VEPH1: variants seen among roughly 807,000 people sequenced by gnomAD.
VEPH1 encodes the protein ventricular zone-expressed PH domain-containing protein homolog 1.
A neutral mutation model predicts 85.2 loss-of-function variants in VEPH1; 80 were observed. That is an observed-to-expected ratio of 0.94 (90% CI 0.78 to 1.13). The LOEUF (loss-of-function observed/expected upper bound fraction) is 1.13. VEPH1 is among the 50% of genes most tolerant of loss of function. VEPH1 has a pLI of 0.00. For missense variants in VEPH1, 955 were observed against 980.5 expected (o/e 0.97, Z 0.35); for synonymous variants, 297 against 348.0 (o/e 0.85, Z 1.63).
At chr3:157,369,180 G>GAAGAAAAAAAAAAAAAA (rs1553773036) in intron 7 of VEPH1, among the ~76,000 whole-genome samples, 1 of 42,780 alleles carries the variant, frequency 2.3e-5, no homozygotes. Flanking sequence ...AAAACCAAAT[G>GAAGAAAAAAAAAAAAAA]AAAAAAAAAA....
chr3:157,474,614 A>G (rs1175074401), intron 2 of VEPH1, among the ~76,000 whole-genome samples: 1 of 152,162 alleles, frequency 6.6e-6, no homozygotes, highest in African/African-American at 2.4e-5. Context: ...CTGGGTCCAA[A>G]CCATTTTATC....
chr3:157,350,741 A>C (rs1463466130), intron 9 of VEPH1, among the ~76,000 whole-genome samples: 1 of 152,248 alleles, frequency 6.6e-6, no homozygotes, highest in Admixed American at 6.5e-5. Context: ...AAAAGAAGAC[A>C]TACATATGAC....
intron 5 of VEPH1, among the ~76,000 whole-genome samples, chr3:157,422,554 G>T (rs923966993): frequency 6.6e-6 from 1 of 152,170 alleles, no homozygotes; most frequent in African/African-American, 2.4e-5. Context: ...GGAAGTGGAA[G>T]CTGCCCAGTT....
At chr3:157,271,883 A>G (rs1428780206) in intron 12 of VEPH1, among the ~76,000 whole-genome samples, 2 of 152,242 alleles carry the variant, frequency 1.3e-5, no homozygotes, top group African/African-American at 4.8e-5. Flanking sequence ...AAAAATAAAA[A>G]GTGGAAACTG....
chr3:157,395,394 G>C (rs73873671), intron 6 of VEPH1, among the ~76,000 whole-genome samples: 9 of 152,198 alleles, frequency 5.9e-5, no homozygotes, highest in African/African-American at 2.2e-4. Context: ...TGGCAGACAG[G>C]GCAGTCAGCG....
In VEPH1 at chr3:157,272,354, C is replaced by CTT. The variant is rs1559913737; in HGVS notation, c.2129-6693_2129-6692insAA. ...TCTTTCTTTCTTTCTCTTTTTCTCT[C>CTT]TCTTTCTTTCTTTCTCTTTCTTTTC... On this transcript the variant is annotated intron_variant, in intron 12 of 13. Transcript: ENST00000362010. Among the ~76,000 whole-genome samples the CTT allele has an allele frequency of 1.9e-4, 27 of 142,296 alleles. 1 individual carries two copies. Among genetic ancestry groups the CTT allele is most frequent in the African/African-American group, 6.3e-4 (25 of 39,668 alleles). 93.4% of individuals were successfully genotyped at this position (142,296 alleles called of 152,430 possible).
At chr3:157,459,606 G>C (rs1205935227) in intron 4 of VEPH1, 13 of 1,216,436 alleles carry the variant, frequency 1.1e-5, no homozygotes, top group African/African-American at 6.2e-5. Context: ...GAAAATAAAA[G>C]AAGACAAGGA....
At chr3:157,367,768 T>C (rs1726887210) in intron 7 of VEPH1, among the ~76,000 whole-genome samples, 1 of 152,184 alleles carries the variant, frequency 6.6e-6, no homozygotes. Flanking sequence ...ATCTCAGCCT[T>C]CTGAGTAGCT....
chr3:157,362,864 T>C (rs568229050), intron 9 of VEPH1, among the ~76,000 whole-genome samples: 65 of 152,308 alleles, frequency 4.3e-4, no homozygotes, highest in Non-Finnish European at 6.5e-4. Context: ...ATCTATACTC[T>C]AAACTCTAAG....
chr3:157,340,784 A>G (rs544128352), intron 9 of VEPH1, among the ~76,000 whole-genome samples: 112 of 152,332 alleles, frequency 7.4e-4, no homozygotes, highest in African/African-American at 2.5e-3. Context: ...CAGTAGGGGC[A>G]GACTGACAGC....
chr3:157,420,187 G>A (rs1732222965), intron 5 of VEPH1, among the ~76,000 whole-genome samples: 1 of 151,834 alleles, frequency 6.6e-6, no homozygotes, highest in Non-Finnish European at 1.5e-5. Flanking sequence ...TGGGGGGCTG[G>A]GGGGAGGGAA....
chr3:157,290,239 A>C (rs1205843002), intron 11 of VEPH1, among the ~76,000 whole-genome samples: 1 of 152,176 alleles, frequency 6.6e-6, no homozygotes, highest in Non-Finnish European at 1.5e-5. Context: ...CAGTCCTACA[A>C]CTGCAAAAAA....
chr3:157,275,998 A>G (rs1260398163), intron 12 of VEPH1, among the ~76,000 whole-genome samples: 1 of 152,220 alleles, frequency 6.6e-6, no homozygotes, highest in Non-Finnish European at 1.5e-5. Flanking sequence ...GAAATTGCTA[A>G]GGATCATAAC....
chr3:157,274,452 AATTCCAAGTGTCTCAAAT>A (rs1715119787), intron 12 of VEPH1, among the ~76,000 whole-genome samples: 1 of 152,186 alleles, frequency 6.6e-6, no homozygotes, highest in East Asian at 1.9e-4. Flanking sequence ...TATGAAAGGC[AATTCCAAGTGTCTCAAAT>A]GGAAGGTGAA....
intron 7 of VEPH1, among the ~76,000 whole-genome samples, chr3:157,371,177 A>G (rs1360026176): frequency 6.6e-6 from 1 of 152,202 alleles, no homozygotes; most frequent in African/African-American, 2.4e-5. Flanking sequence ...CTCTTACTGC[A>G]GTATCTTAAA....
At chr3:157,345,285 A>G (rs1724085877) in intron 9 of VEPH1, among the ~76,000 whole-genome samples, 1 of 152,226 alleles carries the variant, frequency 6.6e-6, no homozygotes, top group African/African-American at 2.4e-5. Flanking sequence ...TCATCTGACA[A>G]AGGGCTAATA....
At chr3:157,279,695 T>C (rs562874616) in intron 12 of VEPH1, among the ~76,000 whole-genome samples, 2 of 152,276 alleles carry the variant, frequency 1.3e-5, no homozygotes, top group South Asian at 2.1e-4. Flanking sequence ...CATCCTTTGA[T>C]GACTTTATTC....
chr3:157,285,310 T>G (rs1716632438), intron 12 of VEPH1: 1 of 152,202 alleles, frequency 6.6e-6, no homozygotes, highest in Non-Finnish European at 1.5e-5. Flanking sequence ...AAGGCTGGCG[T>G]CCTAACTGCC....
chr3:157,380,825 C>G (rs1464604454), intron 7 of VEPH1, among the ~76,000 whole-genome samples: 4 of 152,184 alleles, frequency 2.6e-5, no homozygotes, highest in Non-Finnish European at 5.9e-5. Flanking sequence ...CTTCCTGATA[C>G]ATAGTAAGCT....
Sources: allele counts gnomAD v4.1 joint callset (sites outside exome capture counted in the v4.1 genomes callset), GRCh38; gene constraint gnomAD v4.1.1; transcripts MANE v1.5; gene names NCBI Gene and HGNC (gene_info 2026-07-23, HGNC 2026-07-21).